ARK2C: variants seen among roughly 807,000 people sequenced by gnomAD.
The protein encoded by ARK2C is E3 ubiquitin-protein ligase ARK2C.
the ARK2C span, among the ~76,000 whole-genome samples, chr18:46,396,399 C>T: frequency 1.3e-5 from 2 of 152,180 alleles, no homozygotes; most frequent in African/African-American, 4.8e-5. Flanking sequence ...TGGGTTCAGG[C>T]TCTTGCAGAG....
chr18:46,367,379 T>A, the ARK2C span, among the ~76,000 whole-genome samples: 2 of 152,162 alleles, frequency 1.3e-5, no homozygotes, highest in African/African-American at 4.8e-5. Flanking sequence ...TGCATTTATG[T>A]TCAGTGTGGG....
At chr18:46,353,545 T>C in the ARK2C span, among the ~76,000 whole-genome samples, 2 of 152,164 alleles carry the variant, frequency 1.3e-5, no homozygotes, top group Non-Finnish European at 2.9e-5. Flanking sequence ...GCTACCCCAC[T>C]GTCACTGGTA....
At chr18:46,352,016 G>T in the ARK2C span, among the ~76,000 whole-genome samples, 1 of 152,120 alleles carries the variant, frequency 6.6e-6, no homozygotes, top group Non-Finnish European at 1.5e-5. Flanking sequence ...GAATGCAATG[G>T]AGTCTTCCTG....
chr18:46,450,589 C>T, the ARK2C span: 5 of 863,210 alleles, frequency 5.8e-6, no homozygotes, highest in East Asian at 2.6e-5. Flanking sequence ...TGAGTTCTTC[C>T]TGATAGCTAT....
chr18:46,375,128 G>A, the ARK2C span, among the ~76,000 whole-genome samples: 1 of 152,118 alleles, frequency 6.6e-6, no homozygotes. Context: ...AGTCTCTTCT[G>A]GCACCCTCCC....
the ARK2C span, among the ~76,000 whole-genome samples, chr18:46,448,734 G>C: frequency 3.3e-5 from 5 of 152,158 alleles, no homozygotes; most frequent in Non-Finnish European, 7.3e-5. Flanking sequence ...CCGAATCATG[G>C]GTCAGGCTGG....
At chr18:46,456,570 C>T in the ARK2C span, 23 of 1,614,008 alleles carry the variant, frequency 1.4e-5, no homozygotes, top group Non-Finnish European at 1.9e-5. Context: ...ACCAGTGGCT[C>T]GCCATGAGCA....
chr18:46,351,785 G>A, the ARK2C span, among the ~76,000 whole-genome samples: 1 of 152,140 alleles, frequency 6.6e-6, no homozygotes, highest in East Asian at 1.9e-4. Flanking sequence ...CTCTTTCCAT[G>A]ACCTGAGGCA....
the ARK2C span, among the ~76,000 whole-genome samples, chr18:46,344,216 A>C: frequency 6.6e-6 from 1 of 152,058 alleles, no homozygotes; most frequent in African/African-American, 2.4e-5. Context: ...GGGGTGGAGG[A>C]GCTCTCTGAG....
At chr18:46,402,180 T>C in the ARK2C span, among the ~76,000 whole-genome samples, 1 of 152,268 alleles carries the variant, frequency 6.6e-6, no homozygotes, top group African/African-American at 2.4e-5. Context: ...TATATACCTA[T>C]GAAAGCATCT....
the ARK2C span, among the ~76,000 whole-genome samples, chr18:46,437,267 C>G: frequency 6.6e-6 from 1 of 151,666 alleles, no homozygotes; most frequent in Non-Finnish European, 1.5e-5. Flanking sequence ...GTAATTAGCT[C>G]TGCTCCAGCG....
At chr18:46,411,688 GTT>G in the ARK2C span, among the ~76,000 whole-genome samples, 1 of 152,186 alleles carries the variant, frequency 6.6e-6, no homozygotes, top group Non-Finnish European at 1.5e-5. Flanking sequence ...AAGTCTTCAT[GTT>G]CCAAAGGGGT....
At chr18:46,404,472 G>A in the ARK2C span, among the ~76,000 whole-genome samples, 1 of 152,058 alleles carries the variant, frequency 6.6e-6, no homozygotes, top group African/African-American at 2.4e-5. Flanking sequence ...GTGAAGTACT[G>A]ACCAGGCGTG....
At chr18:46,406,316 C>T in the ARK2C span, among the ~76,000 whole-genome samples, 1 of 152,206 alleles carries the variant, frequency 6.6e-6, no homozygotes, top group Non-Finnish European at 1.5e-5. Context: ...TGCAGCAGAG[C>T]GACAGCCAGG....
the ARK2C span, among the ~76,000 whole-genome samples, chr18:46,439,230 C>T: frequency 6.6e-6 from 1 of 152,206 alleles, no homozygotes; most frequent in Non-Finnish European, 1.5e-5. Flanking sequence ...AGGCTGATGG[C>T]TTTGTTGGGT....
At chr18:46,383,783 C>T in the ARK2C span, among the ~76,000 whole-genome samples, 1 of 151,636 alleles carries the variant, frequency 6.6e-6, no homozygotes, top group East Asian at 1.9e-4. Flanking sequence ...CTTGATCTGA[C>T]CTCGTGATCC....
At chr18:46,348,929 T>C in the ARK2C span, among the ~76,000 whole-genome samples, 7 of 151,890 alleles carry the variant, frequency 4.6e-5, no homozygotes, top group Admixed American at 3.9e-4. Flanking sequence ...TGTGTGTGTG[T>C]GTGTGTGTGT....
At chr18:46,459,369 C>G in the ARK2C span, 1 of 152,286 alleles carries the variant, frequency 6.6e-6, no homozygotes, top group Non-Finnish European at 1.5e-5. Flanking sequence ...CACTCCCTAA[C>G]ATCAACACAT....
chr18:46,407,687 G>A, the ARK2C span, among the ~76,000 whole-genome samples: 4 of 152,192 alleles, frequency 2.6e-5, no homozygotes, highest in Admixed American at 6.5e-5. Context: ...TTCATAGTTG[G>A]ATTTTAAAAA....
Sources: gnomAD v4.1 joint callset for allele counts (sites outside exome capture counted in the v4.1 genomes callset) on GRCh38, gnomAD v4.1.1 for gene constraint, MANE v1.5 for transcripts, NCBI Gene and HGNC (gene_info 2026-07-23, HGNC 2026-07-21) for gene names.